PLXNA4: variants seen among roughly 807,000 people sequenced by gnomAD.
PLXNA4 encodes the protein plexin A4.
A neutral mutation model predicts 191.8 loss-of-function variants in PLXNA4; 44 were observed. The observed-to-expected ratio is 0.23, with a 90% CI of 0.18 to 0.29. PLXNA4 has a LOEUF of 0.29. Among genes scored for constraint, PLXNA4 ranks in the 10% least tolerant of loss-of-function variants. The pLI, the probability that PLXNA4 is intolerant of heterozygous loss-of-function variation, is 1.00. For missense variants in PLXNA4, 1,800 were observed against 2,488.8 expected (o/e 0.72, Z 5.89); for synonymous variants, 1,082 against 1,009.5 (o/e 1.07, Z -1.36).
chr7:132,205,501 G>A lies in PLXNA4; in HGVS notation c.2299-2082C>T, dbSNP rs112552050. ...GCCCTCCTTCCTTGTGTGTGTTTGT[G>A]TGTTTGTGTGTGTGTGAGAGAGAGA... On this transcript the variant is annotated intron_variant, in intron 10 of 31. Transcript: ENST00000321063. Among the ~76,000 whole-genome samples, 12 of 152,306 alleles carry A rather than the reference G, an allele frequency of 7.9e-5. 1 individual carries two copies. Among genetic ancestry groups the A allele is most frequent in the Non-Finnish European group, 1.0e-4 (7 of 68,026 alleles).
intron 3 of PLXNA4, among the ~76,000 whole-genome samples, chr7:132,365,503 A>G (rs1357855855): frequency 6.6e-6 from 1 of 152,162 alleles, no homozygotes; most frequent in Non-Finnish European, 1.5e-5. Context: ...CTAAAATAAA[A>G]GTTGTACAGT....
intron 3 of PLXNA4, among the ~76,000 whole-genome samples, chr7:132,402,772 C>T (rs1026578239): frequency 6.6e-6 from 1 of 152,198 alleles, no homozygotes. Flanking sequence ...TACATTATTA[C>T]CACAGCACCA....
intron 30 of PLXNA4, among the ~76,000 whole-genome samples, chr7:132,134,844 C>A (rs1379403377): frequency 6.6e-6 from 1 of 152,150 alleles, no homozygotes; most frequent in Admixed American, 6.5e-5. Context: ...GGGCCCAGTA[C>A]CCCTTCCTGT....
In PLXNA4 at chr7:132,385,288, C is replaced by T. The variant is rs74531134; in HGVS notation, c.1372-87066G>A. 3.9e-4 allele frequency: 627 copies of T among 1,611,790 alleles called. 1 individual carries two copies. The African/African-American group carries it at 7.3e-3, about 19-fold the overall frequency. On this transcript the variant is annotated intron_variant, in intron 3 of 31. Transcript: ENST00000321063. ...CTCAAGGGTAGGGCAGAGGCTGGTA[C>T]CAGGCATCTGGAAAAGATGAAACCT...
intron 3 of PLXNA4, among the ~76,000 whole-genome samples, chr7:132,425,017 GC>G (rs1794991203): frequency 6.6e-6 from 1 of 152,102 alleles, no homozygotes; most frequent in Non-Finnish European, 1.5e-5. Context: ...GCCCTCTCTA[GC>G]CCCACTGTGC....
chr7:132,298,342 C>T lies in PLXNA4; in HGVS notation c.1372-120G>A, dbSNP rs1053221576. On this transcript the variant is annotated intron_variant, in intron 3 of 31. Coordinates refer to ENST00000321063, the MANE Select transcript of PLXNA4 (RefSeq NM_020911.2). ...GGGCATGAGTTCTGTCTCCACAGTG[C>T]TCACAGGCTAAAGCCAAGGAGTGGA... The T allele has an allele frequency of 3.4e-5, 45 of 1,337,980 alleles. No homozygotes were observed. In the African/African-American group the frequency reaches 5.9e-4, roughly 17 times the overall value. 82.9% of individuals were successfully genotyped at this position (1,337,980 alleles called of 1,614,324 possible).
At chr7:132,511,664 CGTT>C (rs2116287633) in intron 1 of PLXNA4, among the ~76,000 whole-genome samples, 1 of 152,156 alleles carries the variant, frequency 6.6e-6, no homozygotes, top group African/African-American at 2.4e-5. Context: ...TAGTTGCTGT[CGTT>C]GTTATCGTTA....
In PLXNA4 at chr7:132,519,895, C is replaced by T. The variant is rs779905354; in HGVS notation, c.-86-11116G>A. ...CTCAGTTTCCCCATCTGTAAAATGG[C>T]GTTTCTGGAAATAGGATGGGGAAGA... On this transcript the variant is annotated intron_variant, in intron 1 of 31. Coordinates refer to ENST00000321063, the MANE Select transcript of PLXNA4 (RefSeq NM_020911.2). Among the ~76,000 whole-genome samples, 12 of 152,196 alleles carry T rather than the reference C, an allele frequency of 7.9e-5. No homozygotes were observed. The South Asian group carries it at 8.3e-4, about 11-fold the overall frequency.
At position 132,157,784 on chromosome 7, in the gene PLXNA4, T is replaced by G. The variant is rs372856233; in HGVS notation, c.4660+1689A>C. Among the ~76,000 whole-genome samples, 83 of 152,278 alleles carry G rather than the reference T, an allele frequency of 5.5e-4. 2 individuals carry two copies. The South Asian group carries it at 0.017, about 32-fold the overall frequency. ...TAGCTGGTTCCACTACCAAACTCAA[T>G]TCTCCCTGGAAAAACCCATTAAGGA... On this transcript the variant is annotated intron_variant, in intron 25 of 31. Coordinates refer to ENST00000321063, the MANE Select transcript of PLXNA4 (RefSeq NM_020911.2).
chr7:132,448,651 T>C (rs1795998213), intron 3 of PLXNA4, among the ~76,000 whole-genome samples: 1 of 152,210 alleles, frequency 6.6e-6, no homozygotes, highest in African/African-American at 2.4e-5. Flanking sequence ...CCTCTGCAGC[T>C]ATATGTTATT....
rs781152278 is a variant in PLXNA4, at chr7:132,298,077, C to T, written c.1503+14G>A. The T allele has an allele frequency of 6.2e-7, 1 of 1,614,124 alleles. No individual in the cohort carries two copies. The highest frequency in any genetic ancestry group is 1.1e-5 in the South Asian group (1 of 91,086). ...CTGCAAGACAAATGTCTAGCGGAGC[C>T]CGAAGAGCCTTACCTGCCTCTCTGA... is the stretch of plus-strand genomic sequence containing the variant. On this transcript the variant is annotated intron_variant, in intron 4 of 31. Coordinates refer to ENST00000321063, the MANE Select transcript of PLXNA4 (RefSeq NM_020911.2).
At position 132,349,611 on chromosome 7, in the gene PLXNA4, A is replaced by G. The variant is rs561344970; in HGVS notation, c.1372-51389T>C. ...TGTTTCACGACCCTGACAGTAAAGG[A>G]GCTCATCCTAATAATGAAGCTACAG... On this transcript the variant is annotated intron_variant, in intron 3 of 31. Transcript: ENST00000321063. 3.3e-5 allele frequency among the ~76,000 whole-genome samples: 5 copies of G among 152,258 alleles called. No homozygotes were observed. The South Asian group carries it at 8.3e-4, about 25-fold the overall frequency.
At chr7:132,546,056 T>C (rs1362900220) in intron 1 of PLXNA4, among the ~76,000 whole-genome samples, 2 of 152,180 alleles carry the variant, frequency 1.3e-5, no homozygotes, top group African/African-American at 4.8e-5. Context: ...ACCCAAATGC[T>C]CAGAAGGGTG....
chr7:132,440,022 G>T (rs879364539), intron 3 of PLXNA4, among the ~76,000 whole-genome samples: 3 of 151,618 alleles, frequency 2.0e-5, no homozygotes, highest in Non-Finnish European at 4.4e-5. Flanking sequence ...ATGTGTGTGT[G>T]TGTGATCTGT....
chr7:132,174,128 C>G (rs1274498078), intron 21 of PLXNA4, among the ~76,000 whole-genome samples: 1 of 152,170 alleles, frequency 6.6e-6, no homozygotes, highest in Non-Finnish European at 1.5e-5. Flanking sequence ...CTGTCCTGGT[C>G]TTTTCTCATT....
chr7:132,499,820 C>G (rs76949648), intron 2 of PLXNA4, among the ~76,000 whole-genome samples: 79 of 152,264 alleles, frequency 5.2e-4, no homozygotes, highest in African/African-American at 1.8e-3. Flanking sequence ...TGGGATAAAT[C>G]AGCCGAACAA....
chr7:132,267,037 T>C (rs957849038), intron 4 of PLXNA4, among the ~76,000 whole-genome samples: 1 of 152,128 alleles, frequency 6.6e-6, no homozygotes, highest in African/African-American at 2.4e-5. Context: ...ACCTTCAGCT[T>C]TGTGAAGGGC....
chr7:132,587,721 G>T (rs748547925), intron 2 of PLXNA4, among the ~76,000 whole-genome samples: 1 of 151,902 alleles, frequency 6.6e-6, no homozygotes, highest in East Asian at 1.9e-4. Flanking sequence ...TAAGGCCAAG[G>T]GTGGGACGAA....
intron 3 of PLXNA4, among the ~76,000 whole-genome samples, chr7:132,469,624 T>C (rs780612411): frequency 1.3e-5 from 2 of 152,218 alleles, no homozygotes; most frequent in Non-Finnish European, 2.9e-5. Context: ...AGAGAACATG[T>C]CCTTCCAGTG....
Sources: allele counts gnomAD v4.1 joint callset (sites outside exome capture counted in the v4.1 genomes callset), GRCh38; gene constraint gnomAD v4.1.1; transcripts MANE v1.5; gene names NCBI Gene and HGNC (gene_info 2026-07-23, HGNC 2026-07-21).